Variants in UBE2QL1 observed in about 807,000 individuals in gnomAD.
UBE2QL1 encodes the protein ubiquitin conjugating enzyme E2 QL1.
In UBE2QL1, 5 loss-of-function variants were observed where a neutral mutation model predicts 12.6. That is an observed-to-expected ratio of 0.40 (90% CI 0.21 to 0.83). The LOEUF is 0.83. UBE2QL1 is among the 40% of genes least tolerant of loss of function. The pLI is 0.37. For synonymous variants in UBE2QL1, 96 were observed against 94.5 expected (o/e 1.02, Z -0.10); for missense variants, 99 against 222.6 (o/e 0.44, Z 3.53).
intron 1 of UBE2QL1, among the ~76,000 whole-genome samples, chr5:6,470,452 T>C (rs1031365041): frequency 2.6e-5 from 4 of 152,174 alleles, no homozygotes; most frequent in African/African-American, 9.7e-5. Context: ...GAATGAAAAG[T>C]TTCATGATTC....
At chr5:6,461,766 T>G (rs1579290001) in intron 1 of UBE2QL1, among the ~76,000 whole-genome samples, 2 of 152,142 alleles carry the variant, frequency 1.3e-5, no homozygotes, top group East Asian at 1.9e-4. Context: ...AACACATTAT[T>G]TAGCTGTCAC....
intron 1 of UBE2QL1, among the ~76,000 whole-genome samples, chr5:6,456,275 G>T (rs893516434): frequency 1.3e-5 from 2 of 152,198 alleles, no homozygotes; most frequent in African/African-American, 4.8e-5. Flanking sequence ...ATAGACAGTG[G>T]CCTGGGTATA....
chr5:6,458,670 T>G (rs1739585941), intron 1 of UBE2QL1, among the ~76,000 whole-genome samples: 1 of 152,206 alleles, frequency 6.6e-6, no homozygotes, highest in Admixed American at 6.6e-5. Context: ...CTGCTAGGAT[T>G]AATTTGTGCT....
chr5:6,458,329 T>C (rs564654092), intron 1 of UBE2QL1, among the ~76,000 whole-genome samples: 5 of 152,342 alleles, frequency 3.3e-5, no homozygotes, highest in Admixed American at 3.3e-4. Context: ...AGTTGAATTG[T>C]CCTCAGCTCA....
intron 1 of UBE2QL1, among the ~76,000 whole-genome samples, chr5:6,451,272 G>A (rs1230562259): frequency 1.3e-5 from 2 of 151,998 alleles, no homozygotes; most frequent in Admixed American, 6.5e-5. Flanking sequence ...GAGAGAGAGG[G>A]ACCTCAGGAA....
At chr5:6,467,875 T>C (rs190694698) in intron 1 of UBE2QL1, among the ~76,000 whole-genome samples, 3 of 152,290 alleles carry the variant, frequency 2.0e-5, no homozygotes, top group East Asian at 3.9e-4. Flanking sequence ...CTGTTTTTCT[T>C]AGCTGTCCCA....
chr5:6,469,489 T>TTA (rs749083548), intron 1 of UBE2QL1, among the ~76,000 whole-genome samples: 12 of 148,026 alleles, frequency 8.1e-5, no homozygotes, highest in Non-Finnish European at 7.4e-5. Context: ...AGTGTTCATA[T>TTA]TATATATATA....
At chr5:6,468,337 C>T (rs946223644) in intron 1 of UBE2QL1, among the ~76,000 whole-genome samples, 1 of 152,228 alleles carries the variant, frequency 6.6e-6, no homozygotes, top group South Asian at 2.1e-4. Flanking sequence ...GGAGCAGGGG[C>T]GCGGGGTGGG....
intron 1 of UBE2QL1, among the ~76,000 whole-genome samples, chr5:6,470,524 G>T (rs890700049): frequency 6.6e-6 from 1 of 151,616 alleles, no homozygotes; most frequent in Admixed American, 6.6e-5. Flanking sequence ...GCACACACAC[G>T]TGTGCACACA....
At chr5:6,457,136 A>C (rs1340209961) in intron 1 of UBE2QL1, among the ~76,000 whole-genome samples, 2 of 151,808 alleles carry the variant, frequency 1.3e-5, no homozygotes, top group Non-Finnish European at 2.9e-5. Context: ...TATGAAATAG[A>C]GCTCAAGTTT....
In UBE2QL1 at chr5:6,481,153, G is replaced by C. The variant is rs191616694; in HGVS notation, c.355-10065G>C. On this transcript the variant is annotated intron_variant, in intron 1 of 1. Transcript: ENST00000399816. This position sits in a 1 kb window ranked among gnomAD's most constrained non-coding sequence, Gnocchi z 4.5. ...TTCTCGGGCCATTTCACCTGTGCACGCTTCGTTGTGGCTGCACCTGCCCTA... is the reference window on the plus strand; with the variant it reads ...TTCTCGGGCCATTTCACCTGTGCACCCTTCGTTGTGGCTGCACCTGCCCTA... Among the ~76,000 whole-genome samples the C allele has an allele frequency of 6.6e-6, 1 of 152,106 alleles. No homozygotes were observed. The highest frequency in any genetic ancestry group is 1.5e-5 in the Non-Finnish European group (1 of 68,032).
chr5:6,461,564 A>G (rs1024811384), intron 1 of UBE2QL1, among the ~76,000 whole-genome samples: 7 of 44,674 alleles, frequency 1.6e-4, no homozygotes, highest in African/African-American at 3.6e-4. Context: ...CCGGCATATC[A>G]TTCTAGGAAG....
intron 1 of UBE2QL1, among the ~76,000 whole-genome samples, chr5:6,468,281 C>T (rs1253946420): frequency 6.6e-6 from 1 of 152,160 alleles, no homozygotes; most frequent in African/African-American, 2.4e-5. Flanking sequence ...AGCATCGCCT[C>T]ACCACTGCTA....
chr5:6,450,265 A>G (rs1384669284), intron 1 of UBE2QL1, among the ~76,000 whole-genome samples: 6 of 152,136 alleles, frequency 3.9e-5, no homozygotes, highest in Non-Finnish European at 8.8e-5. Context: ...TATCAGGGCT[A>G]AAGATTTTAA....
At chr5:6,456,463 G>A (rs948240065) in intron 1 of UBE2QL1, among the ~76,000 whole-genome samples, 12 of 152,210 alleles carry the variant, frequency 7.9e-5, no homozygotes, top group African/African-American at 2.7e-4. Context: ...GGAAAGGCCA[G>A]GCATGCCCCC....
intron 1 of UBE2QL1, among the ~76,000 whole-genome samples, chr5:6,462,314 G>A (rs1486109334): frequency 2.6e-5 from 4 of 152,146 alleles, no homozygotes; most frequent in Non-Finnish European, 5.9e-5. Flanking sequence ...CACCATTGAG[G>A]GTAAGGGCAA....
chr5:6,486,395 G>A (rs1227622856), intron 1 of UBE2QL1, among the ~76,000 whole-genome samples: 1 of 151,916 alleles, frequency 6.6e-6, no homozygotes, highest in African/African-American at 2.4e-5. Context: ...CCCAAGCATA[G>A]TGAGCCATTT....
At chr5:6,471,362 C>T (rs1739909386) in intron 1 of UBE2QL1, among the ~76,000 whole-genome samples, 1 of 152,214 alleles carries the variant, frequency 6.6e-6, no homozygotes, top group Non-Finnish European at 1.5e-5. Context: ...TGTCATAGAG[C>T]TGCAGGGGAA....
chr5:6,461,008 C>T (rs183172469), intron 1 of UBE2QL1, among the ~76,000 whole-genome samples: 49 of 152,314 alleles, frequency 3.2e-4, no homozygotes, highest in African/African-American at 1.2e-3. Context: ...TCAACTGTTT[C>T]AGTACAACTG....
Sources: gnomAD v4.1 joint callset for allele counts (sites outside exome capture counted in the v4.1 genomes callset) on GRCh38, gnomAD v4.1.1 for gene constraint, Gnocchi (gnomAD v3.1) non-coding constraint, MANE v1.5 for transcripts, NCBI Gene and HGNC (gene_info 2026-07-23, HGNC 2026-07-21) for gene names.